Variants in SYNE1 observed in about 807,000 individuals in gnomAD.
The protein encoded by SYNE1 is spectrin repeat containing nuclear envelope protein 1.
In SYNE1, 616 loss-of-function variants were observed where a neutral mutation model predicts 1,111.0. That is an observed-to-expected ratio of 0.55 (90% confidence interval 0.52 to 0.59). The LOEUF is 0.59. SYNE1 is among the 20% of genes least tolerant of loss of function. SYNE1 has a pLI of 0.00. For missense variants in SYNE1, 10,006 were observed against 10,417.0 expected, an observed-to-expected ratio of 0.96 and a Z score of 1.72; for synonymous variants, 3,855 against 3,825.8, an observed-to-expected ratio of 1.01 and a Z score of -0.28.
intron 4 of SYNE1, among the ~76,000 whole-genome samples, chr6:152,536,378 A>ATATATATATT (rs1491127602): frequency 2.6e-3 from 214 of 83,304 alleles, no homozygotes; most frequent in Non-Finnish European, 4.2e-3. Flanking sequence ...ATATATAGTA[A>ATATATATATT]TATATATATA....
At chr6:152,151,746 A>G (rs1448265435) in intron 134 of SYNE1, 56 bp from the exon 135 acceptor site, 1 of 1,583,900 alleles carries the variant, frequency 6.3e-7, no homozygotes, top group Admixed American at 1.8e-5. Flanking sequence ...CCTTCTAAAC[A>G]TATGGAGATG....
Position 152,511,085 on chromosome 6 carries a change from T to C in SYNE1, c.328A>G (p.Asn110Asp). 1 of 1,613,880 alleles carries C rather than the reference T, an allele frequency of 6.2e-7. No individual in the cohort carries two copies. The highest frequency in any genetic ancestry group is 8.5e-7 in the Non-Finnish European group (1 of 1,179,816). Residue 110 changes from asparagine (N) to aspartate (D), a missense_variant, in exon 7 of 146, where the codon AAC (asparagine) becomes GAC (aspartate). Coordinates refer to ENST00000367255, the MANE Select transcript of SYNE1 (RefSeq NM_182961.4). The stretch of plus-strand genomic sequence containing the variant: ...CGGCCATCAGCTATATCGGTGGAGT[T>C]AATGTTGACTAATTTAATCTGTTTA... ...EGRKIKLVNI[N>D]STDIADGRPS... is the part of the protein sequence containing the mutation.
chr6:152,427,232 A>G (rs2098372893), intron 38 of SYNE1, among the ~76,000 whole-genome samples: 1 of 152,216 alleles, frequency 6.6e-6, no homozygotes, highest in African/African-American at 2.4e-5. Flanking sequence ...CATAAGAATA[A>G]TCATTACTGT....
Position 152,141,285 on chromosome 6 carries a change from CTT to C in SYNE1, c.25162_25163del (p.Lys8388GlufsTer18), listed in dbSNP as rs746061984. On this transcript the variant is annotated frameshift_variant, in exon 139 of 146. Transcript: ENST00000367255. LOFTEE classifies it high-confidence loss of function. ...CCTCCTTCAGTTTGTGCTCCAGTCT[CTT>C]CACGGAGTCTATACTGCTACTGCAT... ...GECSSSIDSV[K>X]RLEHKLKEEE... 1 of 1,614,208 alleles carries C rather than the reference CTT, an allele frequency of 6.2e-7. No individual in the cohort carries two copies. Among genetic ancestry groups the C allele is most frequent in the Non-Finnish European group, 8.5e-7 (1 of 1,180,038 alleles).
chr6:152,385,371 G>A (rs2097509325), intron 55 of SYNE1, among the ~76,000 whole-genome samples: 1 of 152,110 alleles, frequency 6.6e-6, no homozygotes, highest in African/African-American at 2.4e-5. Flanking sequence ...TTTCTTCTAT[G>A]GTGCTAAACA....
chr6:152,318,988 G>T lies in SYNE1; in HGVS notation c.16264C>A (p.Gln5422Lys). 6.2e-7 allele frequency: 1 copy of T among 1,614,134 alleles called. No homozygotes were observed. Among genetic ancestry groups the T allele is most frequent in the Non-Finnish European group, 8.5e-7 (1 of 1,180,022 alleles). Residue 5422 changes from glutamine (Q) to lysine (K), a missense_variant, in exon 85 of 146, where the codon CAG (glutamine) becomes AAG (lysine). By Grantham distance (53) the Gln-to-Lys change is moderately conservative. Coordinates refer to ENST00000367255, the MANE Select transcript of SYNE1 (RefSeq NM_182961.4). ...AGTTCCTGGCTCGTGGCCTTGCTCT[G>T]CTCAACTTCTTTTATTTTGTCTTGG... The part of the protein sequence containing the change: ...QIQDKIKEVE[Q>K]SKATSQELSR...
intron 11 of SYNE1, among the ~76,000 whole-genome samples, chr6:152,496,707 C>T (rs933409529): frequency 1.3e-5 from 2 of 152,134 alleles, no homozygotes; most frequent in African/African-American, 2.4e-5. Flanking sequence ...CAACACTTCA[C>T]CACTATTTTG....
Position 152,230,994 on chromosome 6 carries a change from G to A in SYNE1, c.21040-292C>T, listed in dbSNP as rs113794610. Among the ~76,000 whole-genome samples the A allele has an allele frequency of 7.1e-3, 1,080 of 152,214 alleles. 4 individuals are homozygous for A. The highest frequency in any genetic ancestry group is 0.027 in the Middle Eastern group (8 of 294). On this transcript the variant is annotated intron_variant, in intron 114 of 145. Transcript: ENST00000367255. The stretch of plus-strand genomic sequence containing the variant: ...CTCATAATGTTTTAAGAAAGTTTAC[G>A]GATTTGTGTTGGGCTGCATTCAAGG...
intron 3 of SYNE1, among the ~76,000 whole-genome samples, chr6:152,569,584 G>A (rs920291572): frequency 1.3e-5 from 2 of 152,094 alleles, no homozygotes; most frequent in African/African-American, 4.8e-5. Context: ...ATGACAACTA[G>A]ATTTGCATAT....
chr6:152,225,537 C>T (rs1236081882), intron 116 of SYNE1, among the ~76,000 whole-genome samples, 184 bp downstream of exon 116: 21 of 150,900 alleles, frequency 1.4e-4, no homozygotes, highest in Non-Finnish European at 2.5e-4. Flanking sequence ...AAGGCTTATT[C>T]TAGAAAACAC....
intron 2 of SYNE1, among the ~76,000 whole-genome samples, chr6:152,631,962 G>A (rs114787301): frequency 2.5e-4 from 38 of 152,174 alleles, no homozygotes; most frequent in African/African-American, 9.2e-4. Context: ...CTGAACAAAT[G>A]GAAATACCTA....
At chr6:152,332,680 A>G (rs964775402) in intron 77 of SYNE1, among the ~76,000 whole-genome samples, 5 of 152,224 alleles carry the variant, frequency 3.3e-5, no homozygotes, top group Admixed American at 6.5e-5. Flanking sequence ...TACAATCTGT[A>G]AGGTATAACC....
At position 152,455,544 on chromosome 6, in the gene SYNE1, T is replaced by C. The variant is rs1377128334; in HGVS notation, c.2774A>G (p.Asn925Ser). Residue 925 changes from asparagine (N) to serine (S), a missense_variant, in exon 24 of 146, where the codon AAC becomes AGC. Around this residue, in one of 7 missense-constraint regions of SYNE1, gnomAD observed 1,971 missense variants for 2,084.1 expected, o/e 0.95. Coordinates refer to ENST00000367255, the MANE Select transcript of SYNE1 (RefSeq NM_182961.4). ...CTCAAACTTCTTCATCAAGCGACTG[T>C]TGGTTTCCACATGCTTCTTCCAATC... ...TGDWKKHVET[N>S]SRLMKKFEES... is the part of the protein sequence containing the mutation. 6.2e-7 allele frequency: 1 copy of C among 1,614,072 alleles called. No homozygotes were observed. Among genetic ancestry groups the C allele is most frequent in the Non-Finnish European group, 8.5e-7 (1 of 1,180,024 alleles).
intron 87 of SYNE1, among the ~76,000 whole-genome samples, chr6:152,311,798 C>T (rs1057419104): frequency 2.8e-5 from 4 of 145,032 alleles, no homozygotes; most frequent in African/African-American, 1.0e-4. Context: ...TTTTTTGAGA[C>T]GGAGTCTCGC....
At chr6:152,632,569 A>G (rs1376035824) in intron 2 of SYNE1, among the ~76,000 whole-genome samples, 3 of 152,186 alleles carry the variant, frequency 2.0e-5, no homozygotes, top group Non-Finnish European at 4.4e-5. Flanking sequence ...AGCTGGTTCT[A>G]TGCATGAAGG....
At chr6:152,261,974 TCAG>T (rs2092060943) in intron 101 of SYNE1, 55 bp downstream of exon 101, 7 of 1,428,394 alleles carry the variant, frequency 4.9e-6, no homozygotes, top group Admixed American at 2.0e-5. Flanking sequence ...TTATAATCCC[TCAG>T]CATAAACTCT....
At position 152,390,262 on chromosome 6, in the gene SYNE1, T is replaced by TA; in HGVS notation, c.8177+17dup. ...CACTGCATTGGACTTAAACAAACTC[T>TA]AAAAATAGGTTCTGTACCTTTGAGC... On this transcript the variant is annotated intron_variant, in intron 53 of 145. Transcript: ENST00000367255. 1 of 1,613,720 alleles carries TA rather than the reference T, an allele frequency of 6.2e-7. No individual in the cohort carries two copies. Among genetic ancestry groups the TA allele is most frequent in the Non-Finnish European group, 8.5e-7 (1 of 1,179,900 alleles).
intron 11 of SYNE1, among the ~76,000 whole-genome samples, chr6:152,495,722 A>G (rs2098995677): frequency 6.6e-6 from 1 of 152,156 alleles, no homozygotes; most frequent in Non-Finnish European, 1.5e-5. Flanking sequence ...TCTTTAAATT[A>G]GCCAATTGAA....
chr6:152,174,963 G>A (rs2066048678), intron 130 of SYNE1, among the ~76,000 whole-genome samples: 1 of 152,226 alleles, frequency 6.6e-6, no homozygotes. Context: ...GGAGGCCGAG[G>A]CGGGTGGCTC....
Sources: gnomAD v4.1 joint callset for allele counts (sites outside exome capture counted in the v4.1 genomes callset) on GRCh38, gnomAD v4.1.1 for gene constraint, gnomAD v4.1.1 regional missense constraint, MANE v1.5 for transcripts, NCBI Gene and HGNC (gene_info 2026-07-23, HGNC 2026-07-21) for gene names.